The following TNKS variants were observed in gnomAD, a reference collection of about 807,000 sequenced individuals.
TNKS encodes the protein tankyrase, also known as poly [ADP-ribose] polymerase tankyrase-1.
Under a neutral mutation model 135.8 loss-of-function variants are expected in TNKS, and 72 were observed. The ratio of observed to expected loss-of-function variants is 0.53; its 90% CI spans 0.44 to 0.64. The LOEUF (loss-of-function observed/expected upper bound fraction) is 0.64. Among genes scored for constraint, TNKS ranks in the 30% least tolerant of loss-of-function variants. The probability of loss-of-function intolerance (pLI) is 0.00; values close to 1 mark genes in which losing one functional copy is unlikely to be tolerated. For missense variants in TNKS, 1,769 were observed against 1,674.0 expected, an observed-to-expected ratio of 1.06 and a Z score of -0.99; for synonymous variants, 849 against 649.3, an observed-to-expected ratio of 1.31 and a Z score of -4.68.
chr8:9,671,734 T>G (rs1563157658), intron 3 of TNKS, among the ~76,000 whole-genome samples: 1 of 152,208 alleles, frequency 6.6e-6, no homozygotes, highest in Non-Finnish European at 1.5e-5. Flanking sequence ...AAAGGTGAAT[T>G]TAACTATATG....
intron 3 of TNKS, among the ~76,000 whole-genome samples, chr8:9,620,163 T>C (rs780230997): frequency 1.3e-5 from 2 of 152,158 alleles, no homozygotes; most frequent in Non-Finnish European, 2.9e-5. Context: ...TTGGCCAGGA[T>C]GGTCTCGATC....
chr8:9,645,683 G>C (rs990815898), intron 3 of TNKS, among the ~76,000 whole-genome samples: 24 of 152,116 alleles, frequency 1.6e-4, no homozygotes, highest in Non-Finnish European at 3.4e-4. Context: ...AATATTTCCA[G>C]TTTACAATGA....
rs189536143 is a variant in TNKS at position 9,594,126 on chromosome 8, G to C, written c.898+13743G>C. On this transcript the variant is annotated intron_variant, in intron 2 of 26. Transcript: ENST00000310430. ...GGTCTCAGACTCCTGACCTCAGGCG[G>C]TCCACCTGCCTCGGCCTCCCAAAGT... 2.8e-3 allele frequency among the ~76,000 whole-genome samples: 424 copies of C among 152,118 alleles called. 1 individual carries two copies. Among genetic ancestry groups the C allele is most frequent in the Admixed American group, 7.3e-3 (112 of 15,284 alleles).
chr8:9,623,915 T>C (rs1585244269), intron 3 of TNKS, among the ~76,000 whole-genome samples: 1 of 152,140 alleles, frequency 6.6e-6, no homozygotes, highest in African/African-American at 2.4e-5. Context: ...GGCTGGAGAA[T>C]TGCTTGAACC....
At chr8:9,691,503 A>G (rs1038895397) in intron 5 of TNKS, among the ~76,000 whole-genome samples, 2 of 152,192 alleles carry the variant, frequency 1.3e-5, no homozygotes, top group Admixed American at 6.5e-5. Flanking sequence ...TCCTATCTAG[A>G]ACCTGAGCCC....
At chr8:9,740,451 G>A (rs569364677) in intron 17 of TNKS, among the ~76,000 whole-genome samples, 3 of 152,280 alleles carry the variant, frequency 2.0e-5, no homozygotes, top group Admixed American at 1.3e-4. Context: ...CTGGCCCTTT[G>A]TAATGAGACT....
At chr8:9,666,805 A>G (rs1379705687) in intron 3 of TNKS, among the ~76,000 whole-genome samples, 1 of 152,162 alleles carries the variant, frequency 6.6e-6, no homozygotes, top group Non-Finnish European at 1.5e-5. Flanking sequence ...AGTAGTCCAG[A>G]GAGCATTGCT....
intron 6 of TNKS, among the ~76,000 whole-genome samples, chr8:9,705,907 A>G (rs1384283770): frequency 6.6e-6 from 1 of 152,226 alleles, no homozygotes; most frequent in Non-Finnish European, 1.5e-5. Flanking sequence ...CTTAATATAT[A>G]ATGCATGCAT....
intron 1 of TNKS, chr8:9,574,963 C>G: frequency 6.0e-6 from 5 of 830,760 alleles, no homozygotes; most frequent in Non-Finnish European, 7.2e-6. Flanking sequence ...AGGTAAGAAG[C>G]AAGTGGAGAT....
At chr8:9,571,821 G>A (rs1585181126) in intron 1 of TNKS, among the ~76,000 whole-genome samples, 2 of 152,116 alleles carry the variant, frequency 1.3e-5, no homozygotes, top group East Asian at 3.9e-4. Flanking sequence ...GAACCGTTCT[G>A]AACTTTTTTA....
intron 3 of TNKS, among the ~76,000 whole-genome samples, chr8:9,616,604 G>T (rs533978740): frequency 6.6e-6 from 1 of 152,172 alleles, no homozygotes; most frequent in Non-Finnish European, 1.5e-5. Context: ...ATACTGAGGC[G>T]AAGGGAAAAC....
intron 2 of TNKS, among the ~76,000 whole-genome samples, chr8:9,580,660 T>G (rs184089804): frequency 6.6e-6 from 1 of 152,298 alleles, no homozygotes; most frequent in African/African-American, 2.4e-5. Context: ...TTATAGTCTC[T>G]TTTAAAGACT....
intron 2 of TNKS, among the ~76,000 whole-genome samples, chr8:9,590,819 C>G (rs1299314052): frequency 6.6e-6 from 1 of 152,174 alleles, no homozygotes; most frequent in Non-Finnish European, 1.5e-5. Flanking sequence ...AAATGATTTG[C>G]AAATACTTTC....
chr8:9,600,790 C>T (rs1340318426), intron 2 of TNKS, among the ~76,000 whole-genome samples: 1 of 152,088 alleles, frequency 6.6e-6, no homozygotes, highest in Admixed American at 6.5e-5. Context: ...ATATGAAAGA[C>T]AAAGACTTTC....
chr8:9,661,560 T>G (rs1388686163), intron 3 of TNKS, among the ~76,000 whole-genome samples: 2 of 152,178 alleles, frequency 1.3e-5, no homozygotes, highest in Non-Finnish European at 2.9e-5. Flanking sequence ...GATCCCTTCC[T>G]TACACCTTAG....
intron 2 of TNKS, among the ~76,000 whole-genome samples, chr8:9,604,528 A>C (rs1288851122): frequency 6.6e-6 from 1 of 151,770 alleles, no homozygotes; most frequent in African/African-American, 2.4e-5. Context: ...GCTCACTAAA[A>C]TTTTCTTTCT....
At chr8:9,656,716 G>T (rs1411387286) in intron 3 of TNKS, among the ~76,000 whole-genome samples, 1 of 150,690 alleles carries the variant, frequency 6.6e-6, no homozygotes. Context: ...AAGGTCAGCA[G>T]ATAAACAAGT....
intron 3 of TNKS, among the ~76,000 whole-genome samples, chr8:9,677,241 G>T (rs1260743194): frequency 6.6e-6 from 1 of 152,186 alleles, no homozygotes; most frequent in Non-Finnish European, 1.5e-5. Context: ...AGAGTAGAAA[G>T]TCATTTGTAA....
intron 11 of TNKS, among the ~76,000 whole-genome samples, chr8:9,719,379 G>C (rs906444404): frequency 6.6e-6 from 1 of 151,528 alleles, no homozygotes. Flanking sequence ...TGTACCTTTA[G>C]CAGGAGCTTT....
Sources: allele counts gnomAD v4.1 joint callset (sites outside exome capture counted in the v4.1 genomes callset), GRCh38; gene constraint gnomAD v4.1.1; transcripts MANE v1.5; gene names NCBI Gene and HGNC (gene_info 2026-07-23, HGNC 2026-07-21).